ZNF398: variants seen among roughly 807,000 people sequenced by gnomAD.
The protein encoded by ZNF398 is zinc finger DNA binding protein ZER6.
In ZNF398, 18 loss-of-function variants were observed where a neutral mutation model predicts 41.9. That is an observed-to-expected ratio of 0.43 (90% CI 0.30 to 0.64). ZNF398 has a LOEUF of 0.64. Ranked by LOEUF, ZNF398 falls within the 30% of genes least tolerant of loss-of-function variation. ZNF398 has a pLI of 0.14. For missense variants in ZNF398, 669 were observed against 822.8 expected (o/e 0.81, Z 2.29); for synonymous variants, 260 against 308.8 (o/e 0.84, Z 1.66).
At chr7:149,161,001 G>A (rs2129520812) in intron 2 of ZNF398, among the ~76,000 whole-genome samples, 1 of 152,182 alleles carries the variant, frequency 6.6e-6, no homozygotes, top group East Asian at 1.9e-4. Flanking sequence ...AGGAGGAGGT[G>A]GGCTTTCCCC....
chr7:149,167,759 C>T (rs538513111), intron 4 of ZNF398, among the ~76,000 whole-genome samples: 2 of 151,454 alleles, frequency 1.3e-5, no homozygotes, highest in Non-Finnish European at 2.9e-5. Flanking sequence ...TACAGGCGCC[C>T]GCCACCACGT....
At position 149,155,730 on chromosome 7, in the gene ZNF398, A is replaced by AT. The variant is rs148643688; in HGVS notation, c.420+1390_420+1391insT. On this transcript the variant is annotated intron_variant, in intron 2 of 5. Coordinates refer to ENST00000475153, the MANE Select transcript of ZNF398 (RefSeq NM_170686.3). ...ATATTTTTTTTTTTTTTTTTTTTTT[A>AT]ATTTTTTTTTTTTTGAGATGGAGTC... 5.6e-4 allele frequency among the ~76,000 whole-genome samples: 52 copies of AT among 92,364 alleles called. 1 individual carries two copies. Among genetic ancestry groups the AT allele is most frequent in the South Asian group, 2.3e-3 (6 of 2,554 alleles). The allele number at this position is 92,364 out of a possible 152,430, so 60.6% of individuals were successfully genotyped here.
At chr7:149,173,620 C>T (rs968368662) in intron 4 of ZNF398, among the ~76,000 whole-genome samples, 8 of 152,024 alleles carry the variant, frequency 5.3e-5, no homozygotes, top group South Asian at 2.1e-4. Context: ...TGACCAGGTG[C>T]GTTGTCAATG....
In ZNF398 at chr7:149,182,548, G is replaced by T. The variant is rs1279724861; in HGVS notation, c.*2747G>T. 6.6e-6 allele frequency: 1 copy of T among 152,206 alleles called. No homozygotes were observed. The highest frequency in any genetic ancestry group is 2.1e-4 in the South Asian group (1 of 4,836). 9.4% of individuals were successfully genotyped at this position (152,206 alleles called of 1,614,324 possible). ...ACACTTCAGTTAAAGAAATACATGA[G>T]AACTGCTTGTCATGACCAGACAAGA... is the stretch of plus-strand genomic sequence containing the variant. On this transcript the variant is annotated 3_prime_UTR_variant, in exon 6 of 6. Transcript: ENST00000475153.
chr7:149,134,938 C>T (rs1826678641), intron 2 of ZNF398, among the ~76,000 whole-genome samples: 1 of 152,078 alleles, frequency 6.6e-6, no homozygotes, highest in African/African-American at 2.4e-5. Context: ...ATCATGTTGG[C>T]CAGGCTGGTC....
chr7:149,137,652 T>C (rs1439384506), intron 2 of ZNF398, among the ~76,000 whole-genome samples: 4 of 152,190 alleles, frequency 2.6e-5, no homozygotes, highest in Non-Finnish European at 5.9e-5. Context: ...ACTGTTGGGA[T>C]TACAGGCGTG....
rs1795554543 is a variant in ZNF398 at position 149,179,901 on chromosome 7, A to T, written c.*100A>T. On this transcript the variant is annotated 3_prime_UTR_variant, in exon 6 of 6. Transcript: ENST00000475153. This position sits in a 1 kb window ranked among gnomAD's most constrained non-coding sequence, Gnocchi z 6.1. ...CCATCCAACACCCACAGTAATTATT[A>T]TCTGGCACATCAATGAATTTGGGGT... 6 of 1,124,352 alleles carry T rather than the reference A, an allele frequency of 5.3e-6. No homozygotes were observed. In the South Asian group the frequency reaches 8.6e-5, roughly 16 times the overall value. The allele number at this position is 1,124,352 out of a possible 1,614,324, so 69.6% of individuals were successfully genotyped here.
chr7:149,126,861 G>A (rs1826490965), intron 1 of ZNF398, among the ~76,000 whole-genome samples: 1 of 152,180 alleles, frequency 6.6e-6, no homozygotes, highest in Admixed American at 6.5e-5. Flanking sequence ...GGAGGGGTCC[G>A]CCCACCACGT....
At chr7:149,151,189 C>T (rs930295271) in intron 1 of ZNF398, 23 of 1,173,226 alleles carry the variant, frequency 2.0e-5, no homozygotes, top group Middle Eastern at 2.4e-4. Context: ...CAGCAGTTTA[C>T]CTGGTGATTT....
chr7:149,127,355 G>C (rs552534720), intron 1 of ZNF398, among the ~76,000 whole-genome samples: 28 of 150,872 alleles, frequency 1.9e-4, no homozygotes, highest in Admixed American at 2.7e-4. Context: ...TCCCGGAATC[G>C]TGAAATGTAG....
intron 2 of ZNF398, among the ~76,000 whole-genome samples, chr7:149,160,689 A>T (rs1272452882): frequency 6.6e-6 from 1 of 152,216 alleles, no homozygotes; most frequent in Non-Finnish European, 1.5e-5. Context: ...GTGGATACTC[A>T]GAATATTTTC....
At chr7:149,165,490 A>G (rs914737937) in intron 2 of ZNF398, among the ~76,000 whole-genome samples, 6 of 152,340 alleles carry the variant, frequency 3.9e-5, no homozygotes, top group Admixed American at 1.3e-4. Flanking sequence ...GGAGGCAGGT[A>G]GAGAAGAAAT....
intron 2 of ZNF398, among the ~76,000 whole-genome samples, chr7:149,160,972 C>A (rs1318305292): frequency 6.6e-6 from 1 of 152,104 alleles, no homozygotes; most frequent in African/African-American, 2.4e-5. Flanking sequence ...CTCTGCTCTG[C>A]ACCCCAAGGA....
intron 4 of ZNF398, among the ~76,000 whole-genome samples, chr7:149,170,177 T>C (rs1167342989): frequency 6.6e-6 from 1 of 152,208 alleles, no homozygotes; most frequent in Non-Finnish European, 1.5e-5. Context: ...AACACAATCA[T>C]GCGCTGCTGA....
chr7:149,136,105 T>C (rs1046197066), intron 2 of ZNF398, among the ~76,000 whole-genome samples: 26 of 149,922 alleles, frequency 1.7e-4, no homozygotes, highest in African/African-American at 6.3e-4. Flanking sequence ...TTCTAGAAAT[T>C]TCCTAGTTTT....
chr7:149,163,053 A>T (rs970896759), intron 2 of ZNF398, among the ~76,000 whole-genome samples: 1 of 152,232 alleles, frequency 6.6e-6, no homozygotes, highest in African/African-American at 2.4e-5. Context: ...GTGCTCAGTT[A>T]GAAAACGTCC....
chr7:149,133,982 C>G (rs925332846), intron 2 of ZNF398, among the ~76,000 whole-genome samples: 7 of 149,080 alleles, frequency 4.7e-5, no homozygotes, highest in Non-Finnish European at 1.0e-4. Context: ...AACTCCTGAC[C>G]TCAGGTGATC....
At chr7:149,172,829 C>A (rs1190403326) in intron 4 of ZNF398, among the ~76,000 whole-genome samples, 1 of 152,142 alleles carries the variant, frequency 6.6e-6, no homozygotes, top group African/African-American at 2.4e-5. Context: ...TATCACAGTA[C>A]AAGTAACAAT....
chr7:149,179,175 C>T lies in ZNF398; in HGVS notation c.1303C>T (p.Arg435Cys), dbSNP rs758135020. 1.3e-5 allele frequency: 21 copies of T among 1,613,530 alleles called. No individual in the cohort carries two copies. Among genetic ancestry groups the T allele is most frequent in the Admixed American group, 5.0e-5 (3 of 59,966 alleles). ...TTTCCCCTGTCCTGATTGCCCCAAG[C>T]GCTTTGCTGACCAGGCTCGACTCAC... is the stretch of plus-strand genomic sequence containing the variant. ...RPFPCPDCPK[R>C]FADQARLTSH... The change falls in exon 6 of 6, where the codon CGC (arginine) becomes TGC (cysteine). Residue 435 changes from arginine to cysteine, a missense_variant. Around this residue, in one of 3 missense-constraint regions of ZNF398, gnomAD observed 210 missense variants for 290.4 expected, o/e 0.72. Coordinates refer to ENST00000475153, the MANE Select transcript of ZNF398 (RefSeq NM_170686.3). This position sits in a 1 kb window ranked among gnomAD's most constrained non-coding sequence, Gnocchi z 6.1.
Sources: allele counts gnomAD v4.1 joint callset (sites outside exome capture counted in the v4.1 genomes callset), GRCh38; gene constraint gnomAD v4.1.1; regional missense constraint gnomAD v4.1.1; non-coding constraint Gnocchi (gnomAD v3.1); transcripts MANE v1.5; gene names NCBI Gene and HGNC (gene_info 2026-07-23, HGNC 2026-07-21).